Variants in KCNE1 observed in about 807,000 individuals in gnomAD.
The protein encoded by KCNE1 is potassium voltage-gated channel subfamily E member 1.
Under a neutral mutation model 2.9 loss-of-function variants are expected in KCNE1, and 1 was observed. The observed-to-expected ratio is 0.34, with a 90% CI of 0.12 to 1.62. KCNE1 has a LOEUF of 1.62. Among genes scored for constraint, KCNE1 ranks in the 40% most tolerant of loss-of-function variants. The pLI is 0.36. For missense variants in KCNE1, 45 were observed against 150.5 expected (o/e 0.30, Z 3.67); for synonymous variants, 23 against 65.4 (o/e 0.35, Z 3.13).
chr21:34,502,144 C>T (rs1220919777), intron 2 of KCNE1, among the ~76,000 whole-genome samples: 2 of 152,144 alleles, frequency 1.3e-5, no homozygotes, highest in Non-Finnish European at 2.9e-5. Context: ...GAGACCTTTC[C>T]ATCTGTCAAC....
At chr21:34,499,227 T>G (rs971619092) in intron 2 of KCNE1, among the ~76,000 whole-genome samples, 2 of 152,178 alleles carry the variant, frequency 1.3e-5, no homozygotes, top group Non-Finnish European at 2.9e-5. Flanking sequence ...GGGCCGATCT[T>G]GCTCCTTCTG....
At chr21:34,500,472 G>T (rs1040640370) in intron 2 of KCNE1, among the ~76,000 whole-genome samples, 5 of 152,272 alleles carry the variant, frequency 3.3e-5, no homozygotes, top group East Asian at 1.9e-4. Context: ...TACAATTTTG[G>T]ACTGCTTTCT....
At position 34,495,350 on chromosome 21, in the gene KCNE1, T is replaced by C. The variant is rs117308548; in HGVS notation, c.-162+15751A>G. Among the ~76,000 whole-genome samples the C allele has an allele frequency of 7.3e-3, 23 of 3,160 alleles. 1 individual carries two copies. Among genetic ancestry groups the C allele is most frequent in the East Asian group, 0.065 (14 of 214 alleles). 2.1% of individuals were successfully genotyped at this position (3,160 alleles called of 152,430 possible). On this transcript the variant is annotated intron_variant, in intron 2 of 3. Coordinates refer to ENST00000399286, the MANE Select transcript of KCNE1 (RefSeq NM_000219.6). ...ATTGGTCTGTAGTTTTTCTTTTTGT[T>C]ATGTCCTTTCCTAGTTTTGGCATTA...
chr21:34,503,392 C>T (rs1276122158), intron 2 of KCNE1, among the ~76,000 whole-genome samples: 1 of 152,190 alleles, frequency 6.6e-6, no homozygotes, highest in African/African-American at 2.4e-5. Context: ...CTCCAGGAAG[C>T]TCCACATGTT....
Position 34,511,111 on chromosome 21 carries a change from T to A in KCNE1, c.-172A>T. ...ACCCCCTTCTCCTACCAGTTCTCGT[T>A]TCTGAAGTCTCCTCAAGCACACTGC... is the stretch of plus-strand genomic sequence containing the variant. On this transcript the variant is annotated 5_prime_UTR_variant, in exon 2 of 4. Coordinates refer to ENST00000399286, the MANE Select transcript of KCNE1 (RefSeq NM_000219.6). 1 of 984,974 alleles carries A rather than the reference T, an allele frequency of 1.0e-6. No homozygotes were observed. Among genetic ancestry groups the A allele is most frequent in the Non-Finnish European group, 1.2e-6 (1 of 829,484 alleles). The allele number at this position is 984,974 out of a possible 1,614,324, so 61.0% of individuals were successfully genotyped here.
intron 2 of KCNE1, among the ~76,000 whole-genome samples, chr21:34,508,467 G>A (rs1340100942): frequency 4.6e-5 from 7 of 151,894 alleles, no homozygotes; most frequent in South Asian, 2.1e-4. Flanking sequence ...CTCAGCTTCC[G>A]GAGTAGCTGG....
At chr21:34,498,577 C>G (rs552861354) in intron 2 of KCNE1, among the ~76,000 whole-genome samples, 14 of 152,350 alleles carry the variant, frequency 9.2e-5, no homozygotes, top group African/African-American at 3.1e-4. Context: ...CTAGCCATAG[C>G]TACCAGCACC....
chr21:34,509,368 G>A (rs1315972367), intron 2 of KCNE1: 1 of 152,268 alleles, frequency 6.6e-6, no homozygotes. Flanking sequence ...AGGCCAGCAG[G>A]GGACACCACT....
chr21:34,499,102 C>T (rs1982993241), intron 2 of KCNE1, among the ~76,000 whole-genome samples: 1 of 152,186 alleles, frequency 6.6e-6, no homozygotes. Context: ...ATGTGGTTCT[C>T]AGGCCAATGG....
intron 2 of KCNE1, among the ~76,000 whole-genome samples, chr21:34,499,241 C>T (rs1012252826): frequency 2.0e-5 from 3 of 152,182 alleles, no homozygotes; most frequent in African/African-American, 7.2e-5. Context: ...CCTTCTGTAT[C>T]CCACTAACAG....
intron 2 of KCNE1, among the ~76,000 whole-genome samples, chr21:34,500,822 T>C (rs1983122347): frequency 6.6e-6 from 1 of 152,240 alleles, no homozygotes; most frequent in Admixed American, 6.5e-5. Flanking sequence ...TATTCTTCTT[T>C]CTTATGGCTG....
intron 2 of KCNE1, among the ~76,000 whole-genome samples, chr21:34,499,178 G>A (rs1983001965): frequency 6.6e-6 from 1 of 152,154 alleles, no homozygotes; most frequent in African/African-American, 2.4e-5. Context: ...GGAAGTAGGG[G>A]AAAGCAATAG....
At chr21:34,502,297 G>A (rs1489854407) in intron 2 of KCNE1, among the ~76,000 whole-genome samples, 1 of 152,118 alleles carries the variant, frequency 6.6e-6, no homozygotes, top group African/African-American at 2.4e-5. Context: ...CTAGTATTTA[G>A]CACTGTGTCA....
intron 2 of KCNE1, among the ~76,000 whole-genome samples, chr21:34,498,849 T>C (rs1439582987): frequency 6.6e-6 from 1 of 152,210 alleles, no homozygotes; most frequent in African/African-American, 2.4e-5. Flanking sequence ...GAGATGGTGC[T>C]TTCAAGAGAA....
At chr21:34,502,597 A>G (rs1213165282) in intron 2 of KCNE1, among the ~76,000 whole-genome samples, 7 of 152,196 alleles carry the variant, frequency 4.6e-5, no homozygotes, top group African/African-American at 1.7e-4. Flanking sequence ...ACCTTGGGCT[A>G]TGATTAGGAG....
intron 2 of KCNE1, chr21:34,510,246 C>T: frequency 6.5e-6 from 1 of 152,772 alleles, no homozygotes; most frequent in Non-Finnish European, 1.5e-5. Context: ...CCAGGGGGCA[C>T]ACACTCCAGC....
chr21:34,503,419 C>T (rs147835497), intron 2 of KCNE1, among the ~76,000 whole-genome samples: 3 of 152,274 alleles, frequency 2.0e-5, no homozygotes, highest in African/African-American at 7.2e-5. Flanking sequence ...TCCAGAGCTC[C>T]CAAAACTCAG....
chr21:34,509,096 C>A (rs1256503206), intron 2 of KCNE1, among the ~76,000 whole-genome samples: 2 of 152,254 alleles, frequency 1.3e-5, no homozygotes, highest in African/African-American at 4.8e-5. Context: ...TGGGTCAGAA[C>A]TGCAGGTACG....
At chr21:34,504,198 T>A (rs903316616) in intron 2 of KCNE1, among the ~76,000 whole-genome samples, 1 of 149,628 alleles carries the variant, frequency 6.7e-6, no homozygotes, top group Non-Finnish European at 1.5e-5. Flanking sequence ...CGGGTGTGTG[T>A]TTGAGGGATT....
Sources: allele counts gnomAD v4.1 joint callset (sites outside exome capture counted in the v4.1 genomes callset), GRCh38; gene constraint gnomAD v4.1.1; transcripts MANE v1.5; gene names NCBI Gene and HGNC (gene_info 2026-07-23, HGNC 2026-07-21).